TUSC3: variants seen among roughly 807,000 people sequenced by gnomAD.
The protein encoded by TUSC3 is dolichyl-diphosphooligosaccharide--protein glycosyltransferase subunit TUSC3.
A neutral mutation model predicts 44.8 loss-of-function variants in TUSC3; 45 were observed. The observed-to-expected ratio is 1.00, with a 90% CI of 0.79 to 1.29. The LOEUF is 1.29. TUSC3 is among the 50% of genes most tolerant of loss of function. The pLI is 0.00. For missense variants in TUSC3, 519 were observed against 437.9 expected (o/e 1.19, Z -1.65); for synonymous variants, 212 against 152.9 (o/e 1.39, Z -2.85).
chr8:15,833,808 A>G, the TUSC3 span, among the ~76,000 whole-genome samples: 1 of 151,164 alleles, frequency 6.6e-6, no homozygotes, highest in Non-Finnish European at 1.5e-5. Context: ...TACCTATATA[A>G]CAAACATGCA....
At chr8:15,701,418 A>T (rs1015021131) in intron 6 of TUSC3, among the ~76,000 whole-genome samples, 1 of 152,154 alleles carries the variant, frequency 6.6e-6, no homozygotes, top group African/African-American at 2.4e-5. Flanking sequence ...AATACTGTGT[A>T]TGTGTGTATT....
intron 2 of TUSC3, among the ~76,000 whole-genome samples, chr8:15,639,803 A>ATGAGGAT (rs1448694193): frequency 4.0e-5 from 5 of 124,208 alleles, no homozygotes; most frequent in African/African-American, 1.5e-4. Flanking sequence ...TTTTGGACCC[A>ATGAGGAT]TGAGGATGAC....
rs775579648 is a variant in TUSC3 at position 15,764,527 on chromosome 8, A to G, written c.*371A>G. 2.4e-5 allele frequency: 7 copies of G among 296,572 alleles called. No homozygotes were observed. Among genetic ancestry groups the G allele is most frequent in the Non-Finnish European group, 3.9e-5 (6 of 154,458 alleles). The allele number at this position is 296,572 out of a possible 1,614,324, so 18.4% of individuals were successfully genotyped here. A position where few individuals can be genotyped will look rare whatever the true frequency, so the allele number is the denominator to read the frequency against. The stretch of plus-strand genomic sequence containing the variant: ...TGTTTACTCATTAGTAAAGGACCGC[A>G]ATGTTAGTAAAGAAAACCTATGAAA... On this transcript the variant is annotated 3_prime_UTR_variant, in exon 11 of 11. Transcript: ENST00000503731.
chr8:15,739,896 A>G (rs1319936099), intron 7 of TUSC3, among the ~76,000 whole-genome samples: 1 of 144,232 alleles, frequency 6.9e-6, no homozygotes, highest in Non-Finnish European at 1.5e-5. Context: ...AGTTGTTTAA[A>G]CTTCTCTGGG....
intron 1 of TUSC3, among the ~76,000 whole-genome samples, chr8:15,607,915 C>T (rs534189705): frequency 1.6e-4 from 24 of 152,190 alleles, no homozygotes; most frequent in African/African-American, 5.3e-4. Context: ...AGTTATGGAA[C>T]GTAATGAAGT....
chr8:15,627,883 C>G (rs1371783903), intron 2 of TUSC3, among the ~76,000 whole-genome samples: 1 of 152,174 alleles, frequency 6.6e-6, no homozygotes, highest in Non-Finnish European at 1.5e-5. Flanking sequence ...GTAGCGGGAG[C>G]TGAGTGGAGA....
At chr8:15,482,310 C>T (rs1467918340) in intron 1 of TUSC3, among the ~76,000 whole-genome samples, 1 of 152,190 alleles carries the variant, frequency 6.6e-6, no homozygotes, top group Non-Finnish European at 1.5e-5. Flanking sequence ...TTCTTTCAAA[C>T]TCCTGTTAAT....
intron 1 of TUSC3, among the ~76,000 whole-genome samples, chr8:15,434,330 G>C (rs1799916880): frequency 1.3e-5 from 2 of 152,068 alleles, no homozygotes; most frequent in Admixed American, 6.6e-5. Flanking sequence ...TCTTTAAGTA[G>C]TTTGGATACA....
intron 5 of TUSC3, among the ~76,000 whole-genome samples, chr8:15,664,756 C>G (rs1454540172): frequency 6.7e-6 from 1 of 149,308 alleles, no homozygotes; most frequent in African/African-American, 2.4e-5. Context: ...CCTTTGGCAA[C>G]TCCTTAAATC....
At chr8:15,790,967 T>G in the TUSC3 span, among the ~76,000 whole-genome samples, 1 of 152,036 alleles carries the variant, frequency 6.6e-6, no homozygotes, top group South Asian at 2.1e-4. Context: ...ATGGTTCAAT[T>G]TGCATTTCAA....
At chr8:15,640,298 C>G (rs1194114809) in intron 2 of TUSC3, among the ~76,000 whole-genome samples, 4 of 152,208 alleles carry the variant, frequency 2.6e-5, no homozygotes, top group African/African-American at 9.6e-5. Flanking sequence ...CAGGGAGTCA[C>G]TGTTGGAAAC....
chr8:15,742,514 G>A (rs1198782294), intron 7 of TUSC3, among the ~76,000 whole-genome samples: 1 of 152,142 alleles, frequency 6.6e-6, no homozygotes, highest in Non-Finnish European at 1.5e-5. Context: ...ACTCAGAGAG[G>A]AAATGTTCTG....
intron 2 of TUSC3, among the ~76,000 whole-genome samples, chr8:15,493,127 T>A (rs1453413654): frequency 6.6e-6 from 1 of 152,214 alleles, no homozygotes; most frequent in Non-Finnish European, 1.5e-5. Context: ...ATTAACAGAA[T>A]AAGGATGAGT....
chr8:15,618,467 G>T (rs2129162295), intron 1 of TUSC3, among the ~76,000 whole-genome samples: 1 of 152,070 alleles, frequency 6.6e-6, no homozygotes, highest in Admixed American at 6.6e-5. Flanking sequence ...ACATACATTA[G>T]CCTAGGCCTG....
chr8:15,596,481 C>A (rs895671649), intron 1 of TUSC3, among the ~76,000 whole-genome samples: 1 of 152,094 alleles, frequency 6.6e-6, no homozygotes, highest in Non-Finnish European at 1.5e-5. Flanking sequence ...TTCCGCAAGA[C>A]CAACTGCAGG....
At chr8:15,850,762 T>C in the TUSC3 span, among the ~76,000 whole-genome samples, 5,383 of 152,264 alleles carry the variant, frequency 0.035, 314 homozygotes, top group African/African-American at 0.12. Context: ...ACAAAAATCT[T>C]AAAACGACAT....
chr8:15,746,207 A>T (rs555293059), intron 8 of TUSC3, among the ~76,000 whole-genome samples: 2 of 152,062 alleles, frequency 1.3e-5, no homozygotes, highest in African/African-American at 2.4e-5. Flanking sequence ...AAATCTTACA[A>T]TATTTATTGT....
At position 15,512,872 on chromosome 8, in the gene TUSC3, G is replaced by GTATATATA. The variant is rs55768442; in HGVS notation, n.189+29396_189+29403dup. Among the ~76,000 whole-genome samples the GTATATATA allele has an allele frequency of 5.9e-3, 780 of 132,284 alleles. 17 individuals are homozygous for GTATATATA. The highest frequency in any genetic ancestry group is 0.022 in the African/African-American group (732 of 33,314). The allele number at this position is 132,284 out of a possible 152,430, so 86.8% of individuals were successfully genotyped here. On this transcript the variant is annotated intron_variant and non_coding_transcript_variant, in intron 2 of 5. Transcript: ENST00000503191. ...TGTGTGTGTGTATATATATGTGTGT[G>GTATATATA]TATATATATATATACACACAATTCT...
At chr8:15,459,838 GTGTGTGTGTGTGTGTGTA>G (rs1321808536) in intron 1 of TUSC3, among the ~76,000 whole-genome samples, 1 of 147,378 alleles carries the variant, frequency 6.8e-6, no homozygotes, top group Non-Finnish European at 1.5e-5. Context: ...CCATTTGTGT[GTGTGTGTGTGTGTGTGTA>G]TGTGTGTGTG....
Sources: gnomAD v4.1 joint callset for allele counts (sites outside exome capture counted in the v4.1 genomes callset) on GRCh38, gnomAD v4.1.1 for gene constraint, MANE v1.5 for transcripts, NCBI Gene and HGNC (gene_info 2026-07-23, HGNC 2026-07-21) for gene names.